The following WDR7 variants were observed in gnomAD, a reference collection of about 807,000 sequenced individuals.
The protein encoded by WDR7 is WD repeat domain 7.
A neutral mutation model predicts 169.4 loss-of-function variants in WDR7; 46 were observed. The ratio of observed to expected loss-of-function variants is 0.27; its 90% CI spans 0.21 to 0.35. The LOEUF (loss-of-function observed/expected upper bound fraction) is 0.35. Ranked by LOEUF, WDR7 falls within the 10% of genes least tolerant of loss-of-function variation. WDR7 has a pLI of 1.00. For missense variants in WDR7, 1,534 were observed against 1,859.3 expected (o/e 0.83, Z 3.22); for synonymous variants, 612 against 666.8 (o/e 0.92, Z 1.27).
intron 14 of WDR7, among the ~76,000 whole-genome samples, chr18:56,747,698 G>A (rs1308545733): frequency 6.6e-6 from 1 of 152,164 alleles, no homozygotes; most frequent in Non-Finnish European, 1.5e-5. Flanking sequence ...GAGGACGGTG[G>A]GGAAGAACAC....
At chr18:57,009,672 T>C (rs1259112050) in intron 26 of WDR7, among the ~76,000 whole-genome samples, 1 of 152,210 alleles carries the variant, frequency 6.6e-6, no homozygotes, top group Non-Finnish European at 1.5e-5. Flanking sequence ...GTAATGTTGG[T>C]TAATATATGT....
At chr18:56,722,064 A>G (rs1568158209) in intron 13 of WDR7, among the ~76,000 whole-genome samples, 2 of 152,148 alleles carry the variant, frequency 1.3e-5, no homozygotes, top group Non-Finnish European at 2.9e-5. Flanking sequence ...CATTTGAGTC[A>G]TCTTTTTGAA....
chr18:56,845,213 C>T (rs1158755654), intron 20 of WDR7, among the ~76,000 whole-genome samples: 2 of 152,072 alleles, frequency 1.3e-5, no homozygotes, highest in Non-Finnish European at 2.9e-5. Flanking sequence ...GGGATCTTTA[C>T]TAACCAAAAG....
At chr18:56,908,434 A>T (rs754090739) in intron 21 of WDR7, among the ~76,000 whole-genome samples, 3 of 152,220 alleles carry the variant, frequency 2.0e-5, no homozygotes, top group African/African-American at 4.8e-5. Context: ...TGCTGGGATC[A>T]TCTGGAGAAA....
intron 14 of WDR7, among the ~76,000 whole-genome samples, chr18:56,754,412 TAC>T (rs1012495171): frequency 2.4e-5 from 3 of 126,580 alleles, no homozygotes; most frequent in Non-Finnish European, 3.4e-5. Flanking sequence ...TACACATATA[TAC>T]ACACACAAAT....
chr18:56,695,919 CA>C (rs1478715592), intron 11 of WDR7, among the ~76,000 whole-genome samples: 1 of 152,088 alleles, frequency 6.6e-6, no homozygotes, highest in Non-Finnish European at 1.5e-5. Context: ...CCCAATATAG[CA>C]AAAACTATTT....
rs1383969783 is a variant in WDR7 at position 56,691,783 on chromosome 18, T to C, written c.932T>C (p.Val311Ala). The C allele has an allele frequency of 6.2e-7, 1 of 1,612,336 alleles. No individual in the cohort carries two copies. The highest frequency in any genetic ancestry group is 8.5e-7 in the Non-Finnish European group (1 of 1,179,614). The stretch of plus-strand genomic sequence containing the variant: ...GCAGTTGAAAATTTAATTCCTCCTG[T>C]ACAACATATCCTCTTGGATCGAAAA... ...GKAVENLIPP[V>A]QHILLDRKDK... Residue 311 changes from valine to alanine, a missense_variant, in exon 9 of 28, where the codon GTA becomes GCA. Transcript: ENST00000254442.
intron 1 of WDR7, among the ~76,000 whole-genome samples, chr18:56,656,928 T>C (rs1206547547): frequency 6.6e-6 from 1 of 152,180 alleles, no homozygotes; most frequent in African/African-American, 2.4e-5. Flanking sequence ...ATACTGTGAA[T>C]GGTATACTAT....
chr18:56,903,706 C>G (rs2046436262), intron 21 of WDR7, among the ~76,000 whole-genome samples: 1 of 152,064 alleles, frequency 6.6e-6, no homozygotes, highest in African/African-American at 2.4e-5. Flanking sequence ...AGATGTGAGC[C>G]ACCACACCCA....
intron 19 of WDR7, among the ~76,000 whole-genome samples, chr18:56,795,705 G>T (rs1286075113): frequency 6.6e-6 from 1 of 152,122 alleles, no homozygotes; most frequent in African/African-American, 2.4e-5. Flanking sequence ...GCTGGTCTCA[G>T]ATTCAGATAT....
intron 20 of WDR7, among the ~76,000 whole-genome samples, chr18:56,865,621 C>A (rs2045871894): frequency 6.6e-6 from 1 of 151,954 alleles, no homozygotes; most frequent in East Asian, 1.9e-4. Flanking sequence ...TGTTATTGAC[C>A]ATATATTGTA....
At chr18:56,767,280 T>C (rs1351505128) in intron 16 of WDR7, among the ~76,000 whole-genome samples, 2 of 152,224 alleles carry the variant, frequency 1.3e-5, no homozygotes, top group Non-Finnish European at 2.9e-5. Context: ...GGTATTCTGC[T>C]GTATACTTGA....
intron 26 of WDR7, among the ~76,000 whole-genome samples, chr18:57,001,047 A>AAGAGAGAGAG (rs10536689): frequency 7.7e-6 from 1 of 129,422 alleles, no homozygotes; most frequent in African/African-American, 3.2e-5. Context: ...ATCTCTACAA[A>AAGAGAGAGAG]AGAGAGAGAG....
intron 12 of WDR7, among the ~76,000 whole-genome samples, chr18:56,697,353 G>A (rs1200521475): frequency 6.6e-6 from 1 of 152,096 alleles, no homozygotes; most frequent in Non-Finnish European, 1.5e-5. Flanking sequence ...TAATCTTCCT[G>A]ATAATTTATT....
chr18:56,903,107 C>G (rs1179323769), intron 21 of WDR7, among the ~76,000 whole-genome samples: 1 of 152,138 alleles, frequency 6.6e-6, no homozygotes, highest in Non-Finnish European at 1.5e-5. Context: ...GTGGTAGTTA[C>G]TTGCTTTTGT....
At position 57,020,823 on chromosome 18, in the gene WDR7, A is replaced by G. The variant is rs2048278923; in HGVS notation, c.4243A>G (p.Thr1415Ala). The stretch of plus-strand genomic sequence containing the variant: ...AAGATATCTTGCCACCTACTCAAAC[A>G]CTGACAGCCACATTTCTTTTTGGCA... ...DGRYLATYSN[T>A]DSHISFWQMN... The change falls in exon 27 of 28, where the codon ACT becomes GCT. Residue 1415 changes from threonine to alanine, a missense_variant. Coordinates refer to ENST00000254442, the MANE Select transcript of WDR7 (RefSeq NM_015285.3). 6.2e-7 allele frequency: 1 copy of G among 1,614,114 alleles called. No individual in the cohort carries two copies. Among genetic ancestry groups the G allele is most frequent in the Non-Finnish European group, 8.5e-7 (1 of 1,179,992 alleles).
At chr18:56,678,975 C>T (rs182608724) in intron 2 of WDR7, among the ~76,000 whole-genome samples, 2 of 152,336 alleles carry the variant, frequency 1.3e-5, no homozygotes, top group South Asian at 4.1e-4. Context: ...TGGAATGACA[C>T]AAGCACCCCT....
intron 7 of WDR7, among the ~76,000 whole-genome samples, chr18:56,687,811 A>G (rs543626635): frequency 1.3e-5 from 2 of 152,160 alleles, no homozygotes; most frequent in East Asian, 3.9e-4. Flanking sequence ...ATTTTTTTGT[A>G]GAGATGGGGT....
intron 26 of WDR7, among the ~76,000 whole-genome samples, chr18:56,996,749 C>T (rs1448330020): frequency 6.6e-6 from 1 of 152,144 alleles, no homozygotes. Context: ...AGCTTTCAAT[C>T]AGTACAAAAT....
Sources: gnomAD v4.1 joint callset for allele counts (sites outside exome capture counted in the v4.1 genomes callset) on GRCh38, gnomAD v4.1.1 for gene constraint, MANE v1.5 for transcripts, NCBI Gene and HGNC (gene_info 2026-07-23, HGNC 2026-07-21) for gene names.